Variants in WBP2NL observed in about 807,000 individuals in gnomAD.
The protein encoded by WBP2NL is WBP2 N-terminal like, also known as postacrosomal sheath WW domain-binding protein.
In WBP2NL, 27 loss-of-function variants were observed where a neutral mutation model predicts 23.3. The ratio of observed to expected loss-of-function variants is 1.16; its 90% confidence interval spans 0.85 to 1.60. The LOEUF (loss-of-function observed/expected upper bound fraction) is 1.60, where lower values mean the gene tolerates loss of function less well. Ranked by LOEUF, WBP2NL falls within the 40% of genes most tolerant of loss-of-function variation. The probability of loss-of-function intolerance (pLI) is 0.00; values close to 1 mark genes in which losing one functional copy is unlikely to be tolerated. For missense variants in WBP2NL, 370 were observed against 389.5 expected (o/e 0.95, Z 0.42); for synonymous variants, 151 against 145.9 (o/e 1.03, Z -0.25).
intron 8 of WBP2NL, among the ~76,000 whole-genome samples, chr22:42,046,105 A>C (rs1402128446): frequency 6.6e-6 from 1 of 152,266 alleles, no homozygotes; most frequent in Admixed American, 6.5e-5. Context: ...TCCCAGAATC[A>C]AAATGGTACA....
downstream of WBP2NL, among the ~76,000 whole-genome samples, chr22:42,034,360 C>T (rs1280478691): frequency 3.9e-5 from 6 of 152,164 alleles, no homozygotes; most frequent in South Asian, 1.0e-3. Context: ...AGACATCACA[C>T]GTTGGTAGGA....
At position 42,027,476 on chromosome 22, in the gene WBP2NL, G is replaced by T. The variant is rs553607431; in HGVS notation, c.*295G>T. 2.7e-6 allele frequency: 1 copy of T among 365,180 alleles called. No individual in the cohort carries two copies. The allele number at this position is 365,180 out of a possible 1,614,324, so 22.6% of individuals were successfully genotyped here. A position where few individuals can be genotyped will look rare whatever the true frequency, so the allele number is the denominator to read the frequency against. ...TTTAAACATAACTTTTTCCACACTC[G>T]CATTCAAGGTTCCTGTCTTCCCATC... On this transcript the variant is annotated 3_prime_UTR_variant, in exon 6 of 6. Transcript: ENST00000328823.
At position 42,028,317 on chromosome 22, in the gene WBP2NL, T is replaced by C; in HGVS notation, c.*1136T>C. The C allele has an allele frequency of 2.8e-6, 1 of 363,060 alleles. No individual in the cohort carries two copies. The allele number at this position is 363,060 out of a possible 1,614,324, so 22.5% of individuals were successfully genotyped here. A position where few individuals can be genotyped will look rare whatever the true frequency, so the allele number is the denominator to read the frequency against. On this transcript the variant is annotated 3_prime_UTR_variant, in exon 6 of 6. Transcript: ENST00000328823. ...TTTTATAACAAATATTTATATTTTA[T>C]AACAAACGTTTATATTTGTATATTT...
intron 8 of WBP2NL, among the ~76,000 whole-genome samples, chr22:42,038,292 A>G (rs1345469934): frequency 1.3e-5 from 2 of 152,254 alleles, no homozygotes; most frequent in Non-Finnish European, 1.5e-5. Context: ...TGATTTTCAT[A>G]TGTTAACTGA....
chr22:42,019,522 G>C (rs1022905051), intron 2 of WBP2NL, 103 bp downstream of exon 2: 1 of 1,535,274 alleles, frequency 6.5e-7, no homozygotes, highest in Non-Finnish European at 8.9e-7. Flanking sequence ...TTAAACGTGC[G>C]CTTTGGGATT....
At chr22:42,007,143 T>C (rs1008732870) in intron 1 of WBP2NL, among the ~76,000 whole-genome samples, 8 of 152,234 alleles carry the variant, frequency 5.3e-5, no homozygotes, top group African/African-American at 1.9e-4. Context: ...TCTACATCAT[T>C]ATTTTCAATG....
Position 42,028,020 on chromosome 22 carries a change from G to T in WBP2NL, c.*839G>T, listed in dbSNP as rs2146803900. ...AAGATTTACAAATATTAAAACTCTTGATATGGCACTTTCACATTTTAAAAT... is the reference window on the plus strand; with the variant it reads ...AAGATTTACAAATATTAAAACTCTTTATATGGCACTTTCACATTTTAAAAT... On this transcript the variant is annotated 3_prime_UTR_variant, in exon 6 of 6. Coordinates refer to ENST00000328823, the MANE Select transcript of WBP2NL (RefSeq NM_152613.3). The T allele has an allele frequency of 2.5e-6, 1 of 398,498 alleles. No individual in the cohort carries two copies. Among genetic ancestry groups the T allele is most frequent in the South Asian group, 1.3e-4 (1 of 7,850 alleles). 24.7% of individuals were successfully genotyped at this position (398,498 alleles called of 1,614,324 possible).
At chr22:42,049,063 A>G (rs1479838752) in intron 8 of WBP2NL, among the ~76,000 whole-genome samples, 2 of 152,212 alleles carry the variant, frequency 1.3e-5, no homozygotes, top group Non-Finnish European at 2.9e-5. Flanking sequence ...AATGACCAAC[A>G]CAATACTGAA....
At chr22:42,038,689 G>A (rs756356644) in intron 8 of WBP2NL, among the ~76,000 whole-genome samples, 151 of 151,982 alleles carry the variant, frequency 9.9e-4, no homozygotes, top group Non-Finnish European at 1.0e-3. Context: ...TGCAAGCTCC[G>A]TCTCCCGGGT....
rs191661746 is a variant in WBP2NL at position 42,010,245 on chromosome 22, C to T, written c.63-9066C>T. 5.5e-4 allele frequency among the ~76,000 whole-genome samples: 84 copies of T among 152,246 alleles called. No individual in the cohort carries two copies. The East Asian group carries it at 5.8e-3, about 10-fold the overall frequency. On this transcript the variant is annotated intron_variant, in intron 1 of 5. Coordinates refer to ENST00000328823, the MANE Select transcript of WBP2NL (RefSeq NM_152613.3). ...CATATAAGATCACGCCATCTGTGAACGGAGTTAATTTTACTTCTTCCTTCC... is the reference window on the plus strand; with the variant it reads ...CATATAAGATCACGCCATCTGTGAATGGAGTTAATTTTACTTCTTCCTTCC...
intron 8 of WBP2NL, among the ~76,000 whole-genome samples, chr22:42,052,095 C>T (rs1020939529): frequency 5.3e-5 from 8 of 152,098 alleles, no homozygotes; most frequent in Non-Finnish European, 1.0e-4. Flanking sequence ...AAAATCATCT[C>T]AATTTATTAT....
At chr22:41,999,586 T>G (rs1330859958) in intron 1 of WBP2NL, among the ~76,000 whole-genome samples, 1 of 152,130 alleles carries the variant, frequency 6.6e-6, no homozygotes, top group African/African-American at 2.4e-5. Flanking sequence ...CTGGGCAACA[T>G]AGTGAGACCC....
chr22:42,037,677 G>T (rs1245867038), downstream of WBP2NL, among the ~76,000 whole-genome samples: 1 of 151,976 alleles, frequency 6.6e-6, no homozygotes. Context: ...TAAAATTTTT[G>T]TTGCTAAAGT....
chr22:42,008,505 AC>A (rs1922508738), intron 1 of WBP2NL, among the ~76,000 whole-genome samples: 1 of 151,206 alleles, frequency 6.6e-6, no homozygotes, highest in Non-Finnish European at 1.5e-5. Flanking sequence ...CCATGCCTGG[AC>A]CTGTTGGTTT....
At chr22:42,048,235 C>G (rs888176493) in intron 8 of WBP2NL, among the ~76,000 whole-genome samples, 10 of 147,302 alleles carry the variant, frequency 6.8e-5, no homozygotes, top group African/African-American at 2.4e-4. Context: ...TCCTGGCCAA[C>G]ATGGTGAAAC....
chr22:42,032,817 T>C (rs1370775993), downstream of WBP2NL: 2 of 416,204 alleles, frequency 4.8e-6, no homozygotes, highest in Non-Finnish European at 9.8e-6. Flanking sequence ...TCTATACAGA[T>C]GTGACCAGCA....
intron 8 of WBP2NL, among the ~76,000 whole-genome samples, chr22:42,045,289 A>AT (rs1229350279): frequency 3.9e-5 from 6 of 152,074 alleles, no homozygotes; most frequent in African/African-American, 1.4e-4. Flanking sequence ...AAAATACAAA[A>AT]AATTAGCCGG....
At chr22:42,036,076 G>A (rs559151742), downstream of WBP2NL, among the ~76,000 whole-genome samples, 5 of 152,230 alleles carry the variant, frequency 3.3e-5, no homozygotes, top group African/African-American at 1.2e-4. Context: ...AGGACATTTA[G>A]GTTGTTTCCA....
At chr22:42,037,634 A>G (rs1320644957), downstream of WBP2NL, among the ~76,000 whole-genome samples, 2 of 151,918 alleles carry the variant, frequency 1.3e-5, no homozygotes, top group African/African-American at 4.8e-5. Flanking sequence ...TGTGTCAGTT[A>G]TTTTGCTGAG....
Sources: gnomAD v4.1 joint callset for allele counts (sites outside exome capture counted in the v4.1 genomes callset) on GRCh38, gnomAD v4.1.1 for gene constraint, MANE v1.5 for transcripts, NCBI Gene and HGNC (gene_info 2026-07-23, HGNC 2026-07-21) for gene names.